The following CENPK variants were observed in gnomAD, a reference collection of about 807,000 sequenced individuals.
The protein encoded by CENPK is SoxLZ/Sox6-binding protein Solt.
CENPK carries 46 observed loss-of-function variants against 40.9 expected under a neutral mutation model. The ratio of observed to expected loss-of-function variants is 1.13; its 90% confidence interval spans 0.89 to 1.44. The LOEUF is 1.44. Among genes scored for constraint, CENPK ranks in the 40% most tolerant of loss-of-function variants. The pLI, the probability that CENPK is intolerant of heterozygous loss-of-function variation, is 0.00. For synonymous variants in CENPK, 107 were observed against 104.4 expected, an observed-to-expected ratio of 1.02 and a Z score of -0.15; for missense variants, 288 against 303.5, an observed-to-expected ratio of 0.95 and a Z score of 0.38.
chr5:65,525,520 T>G (rs1046190497), intron 9 of CENPK, among the ~76,000 whole-genome samples: 1 of 152,226 alleles, frequency 6.6e-6, no homozygotes, highest in Non-Finnish European at 1.5e-5. Flanking sequence ...AATTGTGATG[T>G]TCACTTAATG....
the CENPK span, among the ~76,000 whole-genome samples, chr5:65,498,601 T>TTTCTTTTC: frequency 2.0e-5 from 3 of 151,306 alleles, no homozygotes; most frequent in African/African-American, 7.3e-5. Context: ...TTCTTTTTTC[T>TTTCTTTTC]TTCTTTTCTT....
intron 9 of CENPK, 79 bp downstream of exon 9, chr5:65,528,373 A>T (rs1745118029): frequency 1.5e-6 from 2 of 1,365,434 alleles, no homozygotes; most frequent in Admixed American, 5.1e-5. Flanking sequence ...TTTGAACTAA[A>T]TAAGAAAATA....
chr5:65,525,305 T>C (rs987886151), intron 9 of CENPK, among the ~76,000 whole-genome samples: 10 of 151,848 alleles, frequency 6.6e-5, no homozygotes, highest in African/African-American at 1.2e-4. Flanking sequence ...GTGGAGGTTA[T>C]AGTGAGCTGA....
the CENPK span, among the ~76,000 whole-genome samples, chr5:65,511,419 A>G: frequency 6.6e-6 from 1 of 152,248 alleles, no homozygotes; most frequent in Non-Finnish European, 1.5e-5. Context: ...TAGCTAGAGA[A>G]GTCAATGCCT....
At chr5:65,514,943 G>GT (rs1422758460), downstream of CENPK, among the ~76,000 whole-genome samples, 1 of 140,738 alleles carries the variant, frequency 7.1e-6, no homozygotes, top group Middle Eastern at 3.7e-3. Context: ...AGTAATTTTT[G>GT]TTTTTTCTTT....
intron 9 of CENPK, among the ~76,000 whole-genome samples, chr5:65,526,429 G>A (rs1207466403): frequency 6.6e-6 from 1 of 152,134 alleles, no homozygotes; most frequent in East Asian, 1.9e-4. Flanking sequence ...ATAAATAAGG[G>A]AAGAATAAAA....
At chr5:65,546,126 G>A (rs1748900302) in intron 5 of CENPK, among the ~76,000 whole-genome samples, 1 of 152,164 alleles carries the variant, frequency 6.6e-6, no homozygotes, top group South Asian at 2.1e-4. Flanking sequence ...ATAATCTAAT[G>A]GACTGGTGAT....
chr5:65,514,960 G>T, downstream of CENPK, among the ~76,000 whole-genome samples: 1 of 124,356 alleles, frequency 8.0e-6, no homozygotes, highest in African/African-American at 2.9e-5. Context: ...CTTTTGTTAT[G>T]GTAAAAGTTT....
chr5:65,505,077 C>T, the CENPK span, among the ~76,000 whole-genome samples: 1 of 152,184 alleles, frequency 6.6e-6, no homozygotes, highest in Admixed American at 6.5e-5. Flanking sequence ...ACAGGTATGT[C>T]CCACCATATT....
the CENPK span, among the ~76,000 whole-genome samples, chr5:65,504,512 C>A: frequency 4.7e-4 from 71 of 149,492 alleles, no homozygotes; most frequent in African/African-American, 1.7e-3. Flanking sequence ...TAACTTTCTA[C>A]CAGATGTTTA....
intron 9 of CENPK, 34 bp downstream of exon 9, chr5:65,528,418 G>T: frequency 1.3e-6 from 2 of 1,556,466 alleles, no homozygotes; most frequent in South Asian, 2.4e-5. Context: ...TTTCAAATAT[G>T]ATAATTTACA....
the CENPK span, among the ~76,000 whole-genome samples, chr5:65,499,081 A>G: frequency 6.6e-6 from 1 of 150,992 alleles, no homozygotes; most frequent in African/African-American, 2.4e-5. Context: ...GGTTATCTTG[A>G]ACTCCAGGCT....
chr5:65,547,555 A>G (rs967991118), intron 5 of CENPK, among the ~76,000 whole-genome samples: 1 of 152,198 alleles, frequency 6.6e-6, no homozygotes, highest in African/African-American at 2.4e-5. Flanking sequence ...AGTAACAACG[A>G]TGTGGAAAAA....
chr5:65,508,825 C>T, the CENPK span, among the ~76,000 whole-genome samples: 1 of 146,522 alleles, frequency 6.8e-6, no homozygotes, highest in South Asian at 2.2e-4. Flanking sequence ...TGTGAAACTT[C>T]TGGGAGAAAA....
chr5:65,559,992 A>G (rs758376563), intron 2 of CENPK, among the ~76,000 whole-genome samples: 5 of 152,080 alleles, frequency 3.3e-5, no homozygotes, highest in Non-Finnish European at 7.3e-5. Flanking sequence ...AAATAAGTCT[A>G]AATTCATACC....
At chr5:65,545,716 A>G (rs1378939297) in intron 5 of CENPK, among the ~76,000 whole-genome samples, 1 of 152,204 alleles carries the variant, frequency 6.6e-6, no homozygotes, top group Non-Finnish European at 1.5e-5. Context: ...CTACAGTCAC[A>G]AGGAAATAAA....
At chr5:65,508,050 T>C in the CENPK span, among the ~76,000 whole-genome samples, 5 of 152,372 alleles carry the variant, frequency 3.3e-5, no homozygotes, top group East Asian at 7.7e-4. Context: ...ATTTTGATTA[T>C]TGAGACATCT....
chr5:65,505,944 T>C, the CENPK span, among the ~76,000 whole-genome samples: 43 of 152,372 alleles, frequency 2.8e-4, no homozygotes, highest in South Asian at 8.5e-3. Flanking sequence ...TTCAGTTCAT[T>C]CTCACTGACT....
At chr5:65,554,768 A>C (rs1386763466) in intron 3 of CENPK, 29 bp downstream of exon 3, 1 of 1,124,128 alleles carries the variant, frequency 8.9e-7, no homozygotes, top group East Asian at 2.4e-5. Context: ...ATCTTATATT[A>C]ACTATCACTT....
Sources: allele counts gnomAD v4.1 joint callset (sites outside exome capture counted in the v4.1 genomes callset), GRCh38; gene constraint gnomAD v4.1.1; transcripts MANE v1.5; gene names NCBI Gene and HGNC (gene_info 2026-07-23, HGNC 2026-07-21).